Variants in ZNF516 observed in about 807,000 individuals in gnomAD.
The protein encoded by ZNF516 is zinc finger protein 516.
A neutral mutation model predicts 79.7 loss-of-function variants in ZNF516; 19 were observed. The observed-to-expected ratio is 0.24, with a 90% CI of 0.17 to 0.35. The LOEUF (loss-of-function observed/expected upper bound fraction) is 0.35. Ranked by LOEUF, ZNF516 falls within the 10% of genes least tolerant of loss-of-function variation. ZNF516 has a pLI of 1.00. For synonymous variants in ZNF516, 877 were observed against 739.5 expected, an observed-to-expected ratio of 1.19 and a Z score of -3.02; for missense variants, 1,678 against 1,679.5, an observed-to-expected ratio of 1.00 and a Z score of 0.02.
intron 6 of ZNF516, among the ~76,000 whole-genome samples, chr18:76,367,493 C>T (rs1008454257): frequency 6.6e-6 from 1 of 152,216 alleles, no homozygotes; most frequent in South Asian, 2.1e-4. Context: ...AGACCCCAGG[C>T]CCGAGCCTCT....
chr18:76,391,136 T>C (rs7238594), intron 3 of ZNF516, among the ~76,000 whole-genome samples: 57,419 of 151,920 alleles, frequency 0.38, 11,099 homozygotes, highest in East Asian at 0.48. Context: ...TAAGGAGGGC[T>C]GCGAGATTTC....
At chr18:76,371,640 A>G (rs1299699540) in intron 4 of ZNF516, 69 bp from the exon 5 acceptor site, 1 of 1,294,124 alleles carries the variant, frequency 7.7e-7, no homozygotes, top group Non-Finnish European at 1.1e-6. Context: ...GAGGCAGGAG[A>G]GCGAGGGGGA....
intron 3 of ZNF516, among the ~76,000 whole-genome samples, chr18:76,384,356 G>A (rs1327139481): frequency 9.3e-5 from 10 of 107,318 alleles, no homozygotes; most frequent in African/African-American, 1.5e-4. Flanking sequence ...CGGCTCTCAC[G>A]TCCCCTCCAC....
intron 1 of ZNF516, chr18:76,487,998 A>C (rs1914929450): frequency 4.1e-6 from 4 of 985,394 alleles, no homozygotes; most frequent in Non-Finnish European, 4.8e-6. Flanking sequence ...GAACCTAACC[A>C]AACAGTCGAA....
In ZNF516 at chr18:76,441,626, G is replaced by A. The variant is rs2075824177; in HGVS notation, c.1429C>T (p.Pro477Ser). ...CCAGGCCCGCTCGCGCGCTTCCGCG[G>A]GGGCCCCTGCGCGGCTGGTGCATCC... ...EQDAPAAQGP[P>S]RKRASGPGDP... The change falls in exon 3 of 7, where the codon CCG becomes TCG. Residue 477 changes from proline (P) to serine (S), a missense_variant. Coordinates refer to ENST00000443185, the MANE Select transcript of ZNF516 (RefSeq NM_014643.4). 1.3e-6 allele frequency: 2 copies of A among 1,515,194 alleles called. No homozygotes were observed. Among genetic ancestry groups the A allele is most frequent in the East Asian group, 2.6e-5 (1 of 38,868 alleles). 93.9% of individuals were successfully genotyped at this position (1,515,194 alleles called of 1,614,324 possible).
chr18:76,492,767 G>C, intron 1 of ZNF516: 1 of 985,608 alleles, frequency 1.0e-6, no homozygotes, highest in Non-Finnish European at 1.2e-6. Context: ...GTTCCGACCT[G>C]AATCTGAAAG....
At chr18:76,455,256 G>A (rs1247179380) in intron 2 of ZNF516, among the ~76,000 whole-genome samples, 2 of 152,208 alleles carry the variant, frequency 1.3e-5, no homozygotes, top group South Asian at 4.1e-4. Context: ...ATTAAGGTCA[G>A]AACAGTCACG....
At chr18:76,433,219 C>A (rs1032474586) in intron 3 of ZNF516, among the ~76,000 whole-genome samples, 2 of 152,226 alleles carry the variant, frequency 1.3e-5, no homozygotes, top group Non-Finnish European at 2.9e-5. Flanking sequence ...GCACCACTGA[C>A]CGCTGAGTAC....
chr18:76,398,497 C>T (rs1359649708), intron 3 of ZNF516, among the ~76,000 whole-genome samples: 1 of 152,016 alleles, frequency 6.6e-6, no homozygotes, highest in Middle Eastern at 3.2e-3. Flanking sequence ...AGAATGGTGG[C>T]GGGGACTGTC....
In ZNF516 at chr18:76,379,589, C is replaced by A; in HGVS notation, c.2525G>T (p.Gly842Val). The A allele has an allele frequency of 1.9e-6, 3 of 1,613,672 alleles. No homozygotes were observed. Among genetic ancestry groups the A allele is most frequent in the Non-Finnish European group, 2.5e-6 (3 of 1,179,904 alleles). The change falls in exon 4 of 7, where the codon GGG becomes GTG. Residue 842 changes from glycine to valine, a missense_variant. Physicochemically the swap from Gly to Val is moderately radical, Grantham distance 109. Around this residue, in one of 5 missense-constraint regions of ZNF516, gnomAD observed 1,294 missense variants for 1,248.3 expected, o/e 1.04. Transcript: ENST00000443185. ...LARFTRTQVPGGMPGSKSGSS... is the reference protein window; with the variant it reads ...LARFTRTQVPVGMPGSKSGSS... ...GCCACTTTTGGACCCCGGCATCCCC[C>A]CTGGCACCTGAGTGCGGGTGAACCG...
chr18:76,402,568 T>C (rs1020908025), intron 3 of ZNF516, among the ~76,000 whole-genome samples: 19 of 152,262 alleles, frequency 1.2e-4, no homozygotes, highest in African/African-American at 4.1e-4. Context: ...GAGGAAGACG[T>C]TGCTTCTCCA....
At chr18:76,483,471 G>A (rs886142094) in intron 1 of ZNF516, among the ~76,000 whole-genome samples, 4 of 151,816 alleles carry the variant, frequency 2.6e-5, no homozygotes, top group Admixed American at 6.6e-5. Flanking sequence ...GCATCTGTCC[G>A]TCATCAGCAT....
intron 3 of ZNF516, among the ~76,000 whole-genome samples, chr18:76,415,354 T>G (rs993615845): frequency 6.6e-6 from 1 of 152,252 alleles, no homozygotes; most frequent in African/African-American, 2.4e-5. Flanking sequence ...GACAATGGCC[T>G]GGCACTGACG....
chr18:76,455,007 C>G (rs1480093102), intron 2 of ZNF516, among the ~76,000 whole-genome samples: 1 of 152,084 alleles, frequency 6.6e-6, no homozygotes, highest in African/African-American at 2.4e-5. Context: ...AATTGCCAAC[C>G]CCCGCCCCAT....
At chr18:76,462,853 C>T (rs1216903001) in intron 2 of ZNF516, among the ~76,000 whole-genome samples, 175 bp downstream of exon 2, 2 of 152,102 alleles carry the variant, frequency 1.3e-5, no homozygotes, top group Non-Finnish European at 2.9e-5. Context: ...CAGTTATGTG[C>T]TCTGGTTTAA....
intron 6 of ZNF516, among the ~76,000 whole-genome samples, chr18:76,363,894 C>T (rs979623480): frequency 5.9e-5 from 9 of 152,146 alleles, no homozygotes; most frequent in African/African-American, 1.7e-4. Flanking sequence ...CGTCAGGGAC[C>T]GTAAGAGGCG....
chr18:76,423,818 A>T (rs2075546283), intron 3 of ZNF516, among the ~76,000 whole-genome samples: 1 of 144,260 alleles, frequency 6.9e-6, no homozygotes. Context: ...GCAGGTGAAA[A>T]GGTTCCCCCA....
intron 2 of ZNF516, among the ~76,000 whole-genome samples, chr18:76,455,450 C>T (rs1263266148): frequency 6.6e-6 from 1 of 152,206 alleles, no homozygotes; most frequent in Admixed American, 6.5e-5. Flanking sequence ...TGCTCAGGGA[C>T]AGATGGAGGC....
At chr18:76,400,202 G>A (rs1020147989) in intron 3 of ZNF516, among the ~76,000 whole-genome samples, 1 of 152,208 alleles carries the variant, frequency 6.6e-6, no homozygotes, top group Non-Finnish European at 1.5e-5. Flanking sequence ...GCAGAAGCCA[G>A]AGAGGGAAAA....
Sources: allele counts gnomAD v4.1 joint callset (sites outside exome capture counted in the v4.1 genomes callset), GRCh38; gene constraint gnomAD v4.1.1; regional missense constraint gnomAD v4.1.1; transcripts MANE v1.5; gene names NCBI Gene and HGNC (gene_info 2026-07-23, HGNC 2026-07-21).